Variants in SAMSN1 observed in about 807,000 individuals in gnomAD.
The protein encoded by SAMSN1 is SAM domain-containing protein SAMSN-1.
SAMSN1 carries 31 observed loss-of-function variants against 42.0 expected under a neutral mutation model. That is an observed-to-expected ratio of 0.74 (90% CI 0.55 to 1.00). The LOEUF (loss-of-function observed/expected upper bound fraction) is 1.00, where lower values mean the gene tolerates loss of function less well. SAMSN1 is among the 50% of genes least tolerant of loss of function. The pLI, the probability that SAMSN1 is intolerant of heterozygous loss-of-function variation, is 0.00. For missense variants in SAMSN1, 464 were observed against 439.4 expected, an observed-to-expected ratio of 1.06 and a Z score of -0.50; for synonymous variants, 178 against 151.9, an observed-to-expected ratio of 1.17 and a Z score of -1.26.
upstream of SAMSN1, among the ~76,000 whole-genome samples, chr21:14,588,276 TG>T: frequency 1.8e-5 from 2 of 112,270 alleles, no homozygotes; most frequent in Middle Eastern, 7.6e-3. Context: ...ATGGGATGGC[TG>T]GGTCAAATGG....
intron 6 of SAMSN1, among the ~76,000 whole-genome samples, chr21:14,598,673 A>G (rs976894794): frequency 4.6e-5 from 7 of 152,120 alleles, no homozygotes; most frequent in African/African-American, 1.7e-4. Flanking sequence ...CATGCCTGAG[A>G]TCTTCTCTTC....
At chr21:14,544,113 G>A (rs546495093) in intron 1 of SAMSN1, among the ~76,000 whole-genome samples, 8 of 152,244 alleles carry the variant, frequency 5.3e-5, no homozygotes, top group Admixed American at 4.6e-4. Context: ...GCAGTGGCAC[G>A]AACACGGCCC....
At chr21:14,576,911 C>CA (rs1408857771) in intron 2 of SAMSN1, among the ~76,000 whole-genome samples, 73 of 151,966 alleles carry the variant, frequency 4.8e-4, no homozygotes, top group African/African-American at 1.7e-3. Flanking sequence ...TTGACTTTGC[C>CA]TCTTCCTGAA....
At chr21:14,530,964 A>G (rs1017724538) in intron 1 of SAMSN1, among the ~76,000 whole-genome samples, 3 of 152,144 alleles carry the variant, frequency 2.0e-5, no homozygotes, top group Admixed American at 2.0e-4. Context: ...TTTTCTATGC[A>G]TATTTTATTT....
chr21:14,596,666 C>A (rs1202882900), intron 6 of SAMSN1, among the ~76,000 whole-genome samples: 2 of 152,178 alleles, frequency 1.3e-5, no homozygotes, highest in Non-Finnish European at 1.5e-5. Flanking sequence ...CACTCAGCCT[C>A]ATGGATAGAC....
chr21:14,613,037 T>C, intron 3 of SAMSN1: 2 of 513,214 alleles, frequency 3.9e-6, no homozygotes, highest in East Asian at 6.1e-5. Flanking sequence ...AACCGAGGTC[T>C]ACCTATGGTC....
intron 5 of SAMSN1, among the ~76,000 whole-genome samples, chr21:14,603,284 G>A (rs767395463): frequency 2.3e-4 from 35 of 152,138 alleles, no homozygotes; most frequent in Non-Finnish European, 2.4e-4. Context: ...TGTAGAAAAA[G>A]AACAGTAAAG....
intron 1 of SAMSN1, among the ~76,000 whole-genome samples, chr21:14,543,593 T>C (rs1187799856): frequency 6.6e-6 from 1 of 152,184 alleles, no homozygotes; most frequent in East Asian, 1.9e-4. Flanking sequence ...TAGCTTTCAA[T>C]TGGAAAGTTT....
chr21:14,501,068 A>T (rs1046796889), intron 5 of SAMSN1, among the ~76,000 whole-genome samples: 3 of 151,948 alleles, frequency 2.0e-5, no homozygotes, highest in Non-Finnish European at 2.9e-5. Context: ...CTGAGGTGGG[A>T]GGAGTTCAAA....
At chr21:14,657,329 GACA>G (rs1983932848) in intron 1 of SAMSN1, among the ~76,000 whole-genome samples, 6 of 151,646 alleles carry the variant, frequency 4.0e-5, no homozygotes. Context: ...ACTTCTTAAG[GACA>G]ACTTTAACAG....
chr21:14,592,466 C>G (rs574039727), intron 7 of SAMSN1: 141 of 166,216 alleles, frequency 8.5e-4, no homozygotes, highest in African/African-American at 3.3e-3. Flanking sequence ...CTTTGAAAAT[C>G]TGCTTTGTGA....
At chr21:14,529,220 C>A (rs1324943001) in intron 1 of SAMSN1, among the ~76,000 whole-genome samples, 1 of 152,216 alleles carries the variant, frequency 6.6e-6, no homozygotes, top group Non-Finnish European at 1.5e-5. Flanking sequence ...CCAGCCCATT[C>A]TTCGAGGGCA....
At chr21:14,644,739 T>C (rs920321805) in intron 1 of SAMSN1, among the ~76,000 whole-genome samples, 2 of 152,104 alleles carry the variant, frequency 1.3e-5, no homozygotes, top group African/African-American at 2.4e-5. Flanking sequence ...ATTCCAGGAC[T>C]GTATGCTTGG....
At chr21:14,577,273 TATA>T (rs1981528765) in intron 2 of SAMSN1, among the ~76,000 whole-genome samples, 6 of 54,186 alleles carry the variant, frequency 1.1e-4, no homozygotes, top group African/African-American at 6.8e-4. Context: ...TATATATATA[TATA>T]TATATATATT....
intron 2 of SAMSN1, among the ~76,000 whole-genome samples, chr21:14,642,790 A>T (rs1429866561): frequency 2.6e-5 from 4 of 152,308 alleles, no homozygotes; most frequent in African/African-American, 9.6e-5. Context: ...AACTTATATA[A>T]TCATCTAGTG....
chr21:14,594,191 A>G, intron 6 of SAMSN1: 1 of 592,198 alleles, frequency 1.7e-6, no homozygotes. Flanking sequence ...CGCTGTCTTA[A>G]TTAGAAATAA....
At chr21:14,618,489 C>G (rs151200872) in intron 2 of SAMSN1, among the ~76,000 whole-genome samples, 29 of 152,220 alleles carry the variant, frequency 1.9e-4, no homozygotes, top group African/African-American at 7.0e-4. Context: ...CTGCTTATAC[C>G]AGACTCAAAG....
intron 4 of SAMSN1, among the ~76,000 whole-genome samples, chr21:14,611,473 T>C (rs747183809): frequency 6.6e-6 from 1 of 152,210 alleles, no homozygotes; most frequent in Non-Finnish European, 1.5e-5. Context: ...TGCTGTGTTG[T>C]TTCTAAAGTC....
At chr21:14,523,501 G>T (rs780298086) in intron 1 of SAMSN1, 2 of 152,162 alleles carry the variant, frequency 1.3e-5, no homozygotes, top group African/African-American at 2.4e-5. Context: ...CCCAGAATAT[G>T]AATCACTCCA....
Sources: gnomAD v4.1 joint callset for allele counts (sites outside exome capture counted in the v4.1 genomes callset) on GRCh38, gnomAD v4.1.1 for gene constraint, MANE v1.5 for transcripts, NCBI Gene and HGNC (gene_info 2026-07-23, HGNC 2026-07-21) for gene names.